BLTP1: variants seen among roughly 807,000 people sequenced by gnomAD.
The protein encoded by BLTP1 is bridge-like lipid transfer protein family member 1, also known as fragile site-associated protein.
chr4:122,270,807 ATAAGAT>A, the BLTP1 span: 1 of 181,962 alleles, frequency 5.5e-6, no homozygotes, highest in African/African-American at 2.4e-5. Flanking sequence ...TAGTTTTAGA[ATAAGAT>A]TAAGTAAGAA....
the BLTP1 span, chr4:122,197,117 GTAA>G: frequency 1.7e-5 from 13 of 772,060 alleles, no homozygotes; most frequent in Admixed American, 3.1e-5. Context: ...AATTTCTTCT[GTAA>G]TAATAACTGA....
the BLTP1 span, among the ~76,000 whole-genome samples, chr4:122,229,417 G>A: frequency 2.6e-5 from 4 of 151,834 alleles, no homozygotes; most frequent in African/African-American, 9.7e-5. Context: ...TTTTTTTCAA[G>A]GCATACTTTC....
the BLTP1 span, chr4:122,305,187 A>T: frequency 1.0e-6 from 1 of 982,316 alleles, no homozygotes; most frequent in Non-Finnish European, 1.2e-6. Flanking sequence ...TTTAGTGCAG[A>T]TGCACTCACA....
At chr4:122,214,616 C>T in the BLTP1 span, 683 of 78,298 alleles carry the variant, frequency 8.7e-3, no homozygotes, top group Middle Eastern at 0.025. Flanking sequence ...TCAGTAAATT[C>T]TTTTTTTTTT....
chr4:122,154,071 G>A, the BLTP1 span: 1 of 979,132 alleles, frequency 1.0e-6, no homozygotes, highest in Non-Finnish European at 1.2e-6. Context: ...AAGAAAAGTA[G>A]AAGGAAAAAC....
chr4:122,274,536 A>G, the BLTP1 span: 13 of 1,472,780 alleles, frequency 8.8e-6, no homozygotes, highest in East Asian at 3.2e-4. Flanking sequence ...TATATACAAT[A>G]TCAGTTCCCA....
the BLTP1 span, among the ~76,000 whole-genome samples, chr4:122,335,627 A>G: frequency 6.6e-6 from 1 of 152,154 alleles, no homozygotes; most frequent in Non-Finnish European, 1.5e-5. Flanking sequence ...TATAAAGGAA[A>G]GTTAAGGCTC....
the BLTP1 span, chr4:122,206,245 A>G: frequency 1.3e-4 from 25 of 197,092 alleles, no homozygotes; most frequent in African/African-American, 5.9e-4. Flanking sequence ...TAATTAATAA[A>G]ACAACATGAA....
chr4:122,275,133 A>C, the BLTP1 span, among the ~76,000 whole-genome samples: 2 of 152,106 alleles, frequency 1.3e-5, no homozygotes, highest in South Asian at 4.1e-4. Flanking sequence ...AAAGGCAGGA[A>C]ATTCCGGTGG....
At chr4:122,292,887 A>C in the BLTP1 span, 2 of 192,728 alleles carry the variant, frequency 1.0e-5, no homozygotes, top group South Asian at 1.8e-4. Context: ...CAAACACAGG[A>C]AAATTGGGGT....
chr4:122,185,898 T>C, the BLTP1 span: 1 of 596,900 alleles, frequency 1.7e-6, no homozygotes, highest in South Asian at 6.9e-5. Flanking sequence ...GTATTTATTT[T>C]ATTAATATGC....
At chr4:122,184,996 A>G in the BLTP1 span, 2 of 984,586 alleles carry the variant, frequency 2.0e-6, no homozygotes, top group African/African-American at 3.5e-5. Context: ...TATAGTATAG[A>G]AGAGGGGAAA....
the BLTP1 span, among the ~76,000 whole-genome samples, chr4:122,303,085 A>T: frequency 6.6e-6 from 1 of 152,232 alleles, no homozygotes; most frequent in Non-Finnish European, 1.5e-5. Flanking sequence ...TCACAGCTAG[A>T]GAGAAATCAA....
chr4:122,163,425 G>A, the BLTP1 span, among the ~76,000 whole-genome samples: 11 of 152,108 alleles, frequency 7.2e-5, no homozygotes, highest in Admixed American at 3.3e-4. Context: ...GGCGTTTCTC[G>A]CTTGTCCCTG....
the BLTP1 span, chr4:122,352,828 C>G: frequency 1.1e-4 from 177 of 1,549,282 alleles, no homozygotes; most frequent in Non-Finnish European, 1.4e-4. Context: ...AAAGTAGCCA[C>G]TTGCTGCCTC....
At chr4:122,209,669 TA>T in the BLTP1 span, 1 of 1,070,400 alleles carries the variant, frequency 9.3e-7, no homozygotes, top group Non-Finnish European at 1.3e-6. Context: ...TAAAATAAAA[TA>T]AAATTAGTGA....
At chr4:122,270,676 T>C in the BLTP1 span, among the ~76,000 whole-genome samples, 85 of 152,176 alleles carry the variant, frequency 5.6e-4, 1 homozygote, top group African/African-American at 1.9e-3. Context: ...GGTATCCTAA[T>C]TGATCTATAC....
At chr4:122,308,934 A>T in the BLTP1 span, among the ~76,000 whole-genome samples, 1 of 152,084 alleles carries the variant, frequency 6.6e-6, no homozygotes, top group Non-Finnish European at 1.5e-5. Flanking sequence ...GAAATATAGT[A>T]GTTTTTTAAT....
the BLTP1 span, among the ~76,000 whole-genome samples, chr4:122,163,037 C>A: frequency 1.5e-4 from 23 of 152,136 alleles, no homozygotes; most frequent in African/African-American, 5.6e-4. Context: ...ATGGTCTCTT[C>A]TAAAGCACAC....
Sources: allele counts gnomAD v4.1 joint callset (sites outside exome capture counted in the v4.1 genomes callset), GRCh38; gene constraint gnomAD v4.1.1; transcripts MANE v1.5; gene names NCBI Gene and HGNC (gene_info 2026-07-23, HGNC 2026-07-21).